The following RAB27A variants were observed in gnomAD, a reference collection of about 807,000 sequenced individuals.
The protein encoded by RAB27A is RAB27A, member RAS oncogene family, also known as ras-related protein Rab-27A.
A neutral mutation model predicts 20.8 loss-of-function variants in RAB27A; 17 were observed. That is an observed-to-expected ratio of 0.82 (90% CI 0.56 to 1.23). The LOEUF is 1.23. Ranked by LOEUF, RAB27A falls within the 50% of genes most tolerant of loss-of-function variation. The pLI is 0.00. For synonymous variants in RAB27A, 85 were observed against 92.8 expected, an observed-to-expected ratio of 0.92 and a Z score of 0.48; for missense variants, 277 against 266.7, an observed-to-expected ratio of 1.04 and a Z score of -0.27.
At chr15:55,212,421 G>C (rs1895070052) in intron 6 of RAB27A, among the ~76,000 whole-genome samples, 1 of 152,082 alleles carries the variant, frequency 6.6e-6, no homozygotes, top group Non-Finnish European at 1.5e-5. Flanking sequence ...GAGGTCACTG[G>C]CCATGTTTAT....
intron 6 of RAB27A, among the ~76,000 whole-genome samples, chr15:55,216,783 T>C (rs1895327121): frequency 6.6e-6 from 1 of 152,198 alleles, no homozygotes; most frequent in African/African-American, 2.4e-5. Context: ...CACTCAGACC[T>C]GTCCTGGCCA....
intron 6 of RAB27A, among the ~76,000 whole-genome samples, chr15:55,222,316 A>G (rs77605009): frequency 0.013 from 1,977 of 152,286 alleles, 40 homozygotes; most frequent in African/African-American, 0.045. Flanking sequence ...CAGCTGAGCT[A>G]GCCTTGAGAA....
chr15:55,228,203 G>T (rs1313765338), intron 5 of RAB27A, among the ~76,000 whole-genome samples: 2 of 152,138 alleles, frequency 1.3e-5, no homozygotes, highest in Non-Finnish European at 2.9e-5. Flanking sequence ...AAAGCTATCT[G>T]CATCTATGTA....
chr15:55,233,644 C>T (rs1483370470), intron 3 of RAB27A, among the ~76,000 whole-genome samples: 1 of 151,964 alleles, frequency 6.6e-6, no homozygotes, highest in Non-Finnish European at 1.5e-5. Flanking sequence ...TTCATGGTGG[C>T]TAAGGGGAGG....
At chr15:55,239,901 T>A (rs988112792) in intron 2 of RAB27A, among the ~76,000 whole-genome samples, 2 of 152,154 alleles carry the variant, frequency 1.3e-5, no homozygotes, top group African/African-American at 4.8e-5. Context: ...TATCTGAGCT[T>A]GCAGTCCAGT....
intron 1 of RAB27A, among the ~76,000 whole-genome samples, chr15:55,315,460 G>A (rs920731648): frequency 2.0e-5 from 3 of 152,148 alleles, no homozygotes; most frequent in Admixed American, 6.5e-5. Context: ...TATCGTGAGA[G>A]TGAACAGGCA....
chr15:55,284,602 C>A (rs1366824439), intron 1 of RAB27A, among the ~76,000 whole-genome samples: 1 of 152,188 alleles, frequency 6.6e-6, no homozygotes, highest in Non-Finnish European at 1.5e-5. Flanking sequence ...GCTTTGGCTG[C>A]CACATGTTGG....
At chr15:55,242,151 CA>C (rs1896518921) in intron 2 of RAB27A, among the ~76,000 whole-genome samples, 1 of 152,098 alleles carries the variant, frequency 6.6e-6, no homozygotes, top group Non-Finnish European at 1.5e-5. Context: ...TTCCGAAAGC[CA>C]AATTTTCCCT....
At chr15:55,227,565 C>CA (rs886628734) in intron 5 of RAB27A, among the ~76,000 whole-genome samples, 40 of 151,052 alleles carry the variant, frequency 2.6e-4, no homozygotes, top group African/African-American at 4.4e-4. Flanking sequence ...TGAGAACGGG[C>CA]AAAAAAAAGG....
intron 1 of RAB27A, among the ~76,000 whole-genome samples, chr15:55,272,431 A>C (rs767956512): frequency 1.3e-5 from 2 of 152,150 alleles, no homozygotes; most frequent in Non-Finnish European, 2.9e-5. Flanking sequence ...AAAATCCTGT[A>C]GGGGGCTCAG....
chr15:55,206,277 A>C, intron 6 of RAB27A: 1 of 729,104 alleles, frequency 1.4e-6, no homozygotes, highest in Non-Finnish European at 1.7e-6. Flanking sequence ...GATTTACTGT[A>C]AAAAATTTAT....
intron 3 of RAB27A, 138 bp downstream of exon 3, chr15:55,234,644 G>A: frequency 1.1e-6 from 1 of 933,820 alleles, no homozygotes. Flanking sequence ...TGCCTGGATT[G>A]AACATAACTC....
At chr15:55,292,569 CAGT>C (rs2054927921), upstream of RAB27A, among the ~76,000 whole-genome samples, 1 of 152,150 alleles carries the variant, frequency 6.6e-6, no homozygotes, top group Non-Finnish European at 1.5e-5. Flanking sequence ...GAAAGAGAGG[CAGT>C]AGTCCATGGG....
intron 4 of RAB27A, among the ~76,000 whole-genome samples, chr15:55,229,585 G>A (rs1292003128): frequency 6.6e-6 from 1 of 151,820 alleles, no homozygotes. Flanking sequence ...TGAGGCAGGA[G>A]AATCACTTGA....
At chr15:55,242,095 T>C (rs769335569) in intron 2 of RAB27A, among the ~76,000 whole-genome samples, 18 of 152,050 alleles carry the variant, frequency 1.2e-4, no homozygotes, top group South Asian at 4.1e-4. Flanking sequence ...GATCCCCCAC[T>C]ATTAGGCAGA....
At chr15:55,212,352 AAAAT>A (rs1895067151) in intron 6 of RAB27A, among the ~76,000 whole-genome samples, 1 of 152,162 alleles carries the variant, frequency 6.6e-6, no homozygotes, top group African/African-American at 2.4e-5. Context: ...GAGGATTTTC[AAAAT>A]AAATAAATCT....
Position 55,235,092 on chromosome 15 carries a change from A to G in RAB27A, c.-22-136T>C. The G allele has an allele frequency of 5.6e-6, 4 of 709,160 alleles. No individual in the cohort carries two copies. The Admixed American group carries it at 9.7e-5, about 17-fold the overall frequency. 43.9% of individuals were successfully genotyped at this position (709,160 alleles called of 1,614,324 possible). On this transcript the variant is annotated intron_variant, in intron 2 of 6. Coordinates refer to ENST00000336787, the MANE Select transcript of RAB27A (RefSeq NM_183235.3). Reference sequence around the variant, plus strand: ...CTACGGGTTGTATGAAAAGAGAGTTACATACATATTGTTCACCATCCTTGA... The same window carrying G: ...CTACGGGTTGTATGAAAAGAGAGTTGCATACATATTGTTCACCATCCTTGA...
rs1360365312 is a variant in RAB27A, at chr15:55,209,895, T to TAC, written c.468-4192_468-4191dup. Among the ~76,000 whole-genome samples, 266 of 115,440 alleles carry TAC rather than the reference T, an allele frequency of 2.3e-3. 13 individuals carry two copies. Among genetic ancestry groups the TAC allele is most frequent in the Middle Eastern group, 4.7e-3 (1 of 212 alleles). The allele number at this position is 115,440 out of a possible 152,430, so 75.7% of individuals were successfully genotyped here. A position where few individuals can be genotyped will look rare whatever the true frequency, so the allele number is the denominator to read the frequency against. On this transcript the variant is annotated intron_variant, in intron 6 of 6. Transcript: ENST00000336787. Reference sequence around the variant, plus strand: ...ACATATATGTGTGTGTATACATATATACACATATGTGTGTGTATGTATATA... The same window carrying TAC: ...ACATATATGTGTGTGTATACATATATACACACATATGTGTGTGTATGTATATA...
intron 2 of RAB27A, among the ~76,000 whole-genome samples, chr15:55,263,496 G>A (rs11639418): frequency 0.23 from 34,219 of 152,054 alleles, 4,818 homozygotes; most frequent in East Asian, 0.56. Context: ...GCTATCATCC[G>A]AATTTTCTTT....
Sources: allele counts gnomAD v4.1 joint callset (sites outside exome capture counted in the v4.1 genomes callset), GRCh38; gene constraint gnomAD v4.1.1; transcripts MANE v1.5; gene names NCBI Gene and HGNC (gene_info 2026-07-23, HGNC 2026-07-21).